DDX18: variants seen among roughly 807,000 people sequenced by gnomAD.
DDX18 encodes DEAD-box helicase 18, also known as ATP-dependent RNA helicase DDX18.
DDX18 carries 23 observed loss-of-function variants against 73.5 expected under a neutral mutation model. That is an observed-to-expected ratio of 0.31 (90% CI 0.23 to 0.44). The LOEUF (loss-of-function observed/expected upper bound fraction) is 0.44, where lower values mean the gene tolerates loss of function less well. Ranked by LOEUF, DDX18 falls within the 20% of genes least tolerant of loss-of-function variation. The pLI is 1.00. For missense variants in DDX18, 753 were observed against 792.9 expected, an observed-to-expected ratio of 0.95 and a Z score of 0.60; for synonymous variants, 268 against 282.7, an observed-to-expected ratio of 0.95 and a Z score of 0.52.
chr2:117,816,386 T>G (rs964473416), intron 1 of DDX18, among the ~76,000 whole-genome samples: 15 of 152,190 alleles, frequency 9.9e-5, no homozygotes, highest in African/African-American at 2.9e-4. Context: ...AAAAGTTTCC[T>G]TTTGTCCTTA....
Position 117,817,619 on chromosome 2 carries a change from C to G in DDX18, c.261C>G (p.Pro87=). The change falls in exon 2 of 14, where the codon CCC becomes CCG. Residue 87 remains proline, a synonymous_variant. Coordinates refer to ENST00000263239, the MANE Select transcript of DDX18 (RefSeq NM_006773.4). The part of the protein sequence containing the change: ...AVGNIKVTKS[P]QKSTVLTNGE... ...GAAATATAAAAGTTACAAAGTCTCC[C>G]CAGAAATCCACTGTATTAACCAATG... The G allele has an allele frequency of 1.9e-6, 3 of 1,613,968 alleles. No individual in the cohort carries two copies. Among genetic ancestry groups the G allele is most frequent in the Non-Finnish European group, 8.5e-7 (1 of 1,179,952 alleles).
intron 1 of DDX18, 38 bp downstream of exon 1, chr2:117,814,900 C>A (rs766098854): frequency 1.2e-6 from 2 of 1,610,014 alleles, no homozygotes; most frequent in Non-Finnish European, 8.5e-7. Flanking sequence ...AGAAGACCCA[C>A]GCGCGAGCCC....
In DDX18 at chr2:117,814,712, A is replaced by G; in HGVS notation, c.-66A>G. On this transcript the variant is annotated 5_prime_UTR_variant, in exon 1 of 14. Coordinates refer to ENST00000263239, the MANE Select transcript of DDX18 (RefSeq NM_006773.4). ...GCGCACGTGCGGCCGGAAGGGAAGTAACGTCAGCCTGAGAACTGAGTAGCT... is the reference window on the plus strand; with the variant it reads ...GCGCACGTGCGGCCGGAAGGGAAGTGACGTCAGCCTGAGAACTGAGTAGCT... 8 of 1,523,084 alleles carry G rather than the reference A, an allele frequency of 5.3e-6. No homozygotes were observed. The highest frequency in any genetic ancestry group is 7.2e-6 in the Non-Finnish European group (8 of 1,107,906). The allele number at this position is 1,523,084 out of a possible 1,614,324, so 94.3% of individuals were successfully genotyped here. A position where few individuals can be genotyped will look rare whatever the true frequency, so the allele number is the denominator to read the frequency against.
intron 3 of DDX18, among the ~76,000 whole-genome samples, chr2:117,820,764 GT>G (rs368439713): frequency 2.5e-4 from 37 of 149,692 alleles, no homozygotes; most frequent in Non-Finnish European, 3.7e-4. Context: ...AGATTAACAG[GT>G]TTTTTTTTTA....
intron 1 of DDX18, 121 bp downstream of exon 1, chr2:117,814,983 TG>T: frequency 9.9e-7 from 1 of 1,006,816 alleles, no homozygotes; most frequent in Admixed American, 2.1e-5. Context: ...CGTGTGTGAT[TG>T]GGGAGAGTGA....
intron 2 of DDX18, among the ~76,000 whole-genome samples, chr2:117,818,351 T>G (rs903934031): frequency 2.0e-5 from 3 of 152,234 alleles, no homozygotes; most frequent in African/African-American, 7.2e-5. Context: ...TATTTGGTTG[T>G]GTTTATGGCA....
chr2:117,821,548 T>C, intron 4 of DDX18, 102 bp from the exon 5 acceptor site: 2 of 1,330,002 alleles, frequency 1.5e-6, no homozygotes, highest in East Asian at 4.8e-5. Flanking sequence ...ACTGTAGACG[T>C]TTCTTGTTCA....
chr2:117,826,377 T>G lies in DDX18; in HGVS notation c.1630T>G (p.Ser544Ala). 6.2e-7 allele frequency: 1 copy of G among 1,613,562 alleles called. No individual in the cohort carries two copies. The highest frequency in any genetic ancestry group is 1.3e-5 in the African/African-American group (1 of 75,032). The change falls in exon 11 of 14, where the codon TCC (serine) becomes GCC (alanine). Residue 544 changes from serine (S) to alanine (A), a missense_variant. Coordinates refer to ENST00000263239, the MANE Select transcript of DDX18 (RefSeq NM_006773.4). ...GGGTTTTCTTCGCTACTTGAAACAATCCAAGGTAAAGATCTGTACTTGGAG... is the reference window on the plus strand; with the variant it reads ...GGGTTTTCTTCGCTACTTGAAACAAGCCAAGGTAAAGATCTGTACTTGGAG... ...ELGFLRYLKQ[S>A]KVPLSEFDFS...
At chr2:117,825,675 A>G (rs960474850) in intron 10 of DDX18, 76 bp downstream of exon 10, 7 of 1,528,288 alleles carry the variant, frequency 4.6e-6, no homozygotes, top group African/African-American at 1.4e-5. Flanking sequence ...TCCCTGACGG[A>G]AACTGCATTC....
At chr2:117,818,303 T>C (rs1679791057) in intron 2 of DDX18, among the ~76,000 whole-genome samples, 2 of 152,148 alleles carry the variant, frequency 1.3e-5, no homozygotes, top group Admixed American at 1.3e-4. Context: ...CTTCTACCTG[T>C]TTTTGTAAAT....
intron 10 of DDX18, 39 bp downstream of exon 10, chr2:117,825,638 C>T (rs780441050): frequency 1.3e-6 from 2 of 1,597,998 alleles, no homozygotes; most frequent in Admixed American, 3.4e-5. Context: ...AATGACTCTG[C>T]ATTAAAAGTT....
At chr2:117,815,221 A>T (rs1332551297) in intron 1 of DDX18, 1 of 240,610 alleles carries the variant, frequency 4.2e-6, no homozygotes, top group East Asian at 9.9e-5. Context: ...ATTTCCGGTT[A>T]TGCTGCATGA....
chr2:117,830,560 T>C lies in DDX18; in HGVS notation c.1871-22T>C. On this transcript the variant is annotated intron_variant, in intron 13 of 13. Transcript: ENST00000263239. ...GGAGTTCATTATCTTTTTTGCTTGATTTCCTTAATGTTTGCCTCCAGACGT... is the reference window on the plus strand; with the variant it reads ...GGAGTTCATTATCTTTTTTGCTTGACTTCCTTAATGTTTGCCTCCAGACGT... 1.9e-6 allele frequency: 3 copies of C among 1,604,606 alleles called. No individual in the cohort carries two copies. In the South Asian group the frequency reaches 3.4e-5, roughly 18 times the overall value.
chr2:117,824,715 T>C lies in DDX18; in HGVS notation c.1206+7T>C, dbSNP rs191395377. 6.8e-7 allele frequency: 1 copy of C among 1,471,222 alleles called. No individual in the cohort carries two copies. Among genetic ancestry groups the C allele is most frequent in the Non-Finnish European group, 9.0e-7 (1 of 1,111,620 alleles). 91.1% of individuals were successfully genotyped at this position (1,471,222 alleles called of 1,614,324 possible). ...AGTGGATGGTCTTGAACAGGTACTT[T>C]TTATCAATAACTGAAAACTGTAGGG... On this transcript the variant is annotated splice_region_variant and intron_variant, in intron 8 of 13. Transcript: ENST00000263239.
intron 13 of DDX18, 31 bp downstream of exon 13, chr2:117,829,497 G>A (rs375942826): frequency 4.4e-6 from 7 of 1,589,808 alleles, no homozygotes; most frequent in Non-Finnish European, 6.0e-6. Flanking sequence ...GTTATCCTGT[G>A]ACTAAGGAAC....
chr2:117,830,774 T>C lies in DDX18; in HGVS notation c.*50T>C, dbSNP rs1388713972. ...ATAACTTTGTCCTAAAATGAATTTT[T>C]TTTCCCCTTGATTTAACAGGATTTT... On this transcript the variant is annotated 3_prime_UTR_variant, in exon 14 of 14. Coordinates refer to ENST00000263239, the MANE Select transcript of DDX18 (RefSeq NM_006773.4). 6.3e-7 allele frequency: 1 copy of C among 1,596,060 alleles called. No homozygotes were observed. Among genetic ancestry groups the C allele is most frequent in the South Asian group, 1.2e-5 (1 of 86,892 alleles).
In DDX18 at chr2:117,824,689, C is replaced by A; in HGVS notation, c.1187C>A (p.Thr396Lys). The change falls in exon 8 of 14, where the codon ACA becomes AAA. Residue 396 changes from threonine (T) to lysine (K), a missense_variant. Coordinates refer to ENST00000263239, the MANE Select transcript of DDX18 (RefSeq NM_006773.4). Reference protein sequence around the residue: ...VGVDDDKANATVDGLEQGYVV... With the variant: ...VGVDDDKANAKVDGLEQGYVV... ...GTTGATGATGATAAAGCGAATGCAA[C>A]AGTGGATGGTCTTGAACAGGTACTT... The A allele has an allele frequency of 2.0e-6, 3 of 1,477,544 alleles. No individual in the cohort carries two copies. The highest frequency in any genetic ancestry group is 2.7e-6 in the Non-Finnish European group (3 of 1,114,084). The allele number at this position is 1,477,544 out of a possible 1,614,324, so 91.5% of individuals were successfully genotyped here. A position where few individuals can be genotyped will look rare whatever the true frequency, so the allele number is the denominator to read the frequency against.
In DDX18 at chr2:117,821,961, T is replaced by G. The variant is rs1199946532; in HGVS notation, c.851T>G (p.Leu284Trp). 6.2e-7 allele frequency: 1 copy of G among 1,614,076 alleles called. No individual in the cohort carries two copies. ...ACTCACCACGTGCATACCTATGGCTTGATAATGGGTGGCAGTAACAGATCT... is the reference window on the plus strand; with the variant it reads ...ACTCACCACGTGCATACCTATGGCTGGATAATGGGTGGCAGTAACAGATCT... ...LMTHHVHTYG[L>W]IMGGSNRSAE... Residue 284 changes from leucine (L) to tryptophan (W), a missense_variant, in exon 6 of 14, where the codon TTG becomes TGG. Physicochemically the swap from Leu to Trp is moderately conservative, Grantham distance 61 (BLOSUM62 -2). Transcript: ENST00000263239.
At chr2:117,820,642 A>G (rs183106557) in intron 3 of DDX18, among the ~76,000 whole-genome samples, 21 of 152,280 alleles carry the variant, frequency 1.4e-4, no homozygotes, top group South Asian at 4.1e-4. Flanking sequence ...AGTATGGGGA[A>G]CCCCCAGGTG....
Sources: gnomAD v4.1 joint callset for allele counts (sites outside exome capture counted in the v4.1 genomes callset) on GRCh38, gnomAD v4.1.1 for gene constraint, MANE v1.5 for transcripts, NCBI Gene and HGNC (gene_info 2026-07-23, HGNC 2026-07-21) for gene names.